The following FHAD1 variants were observed in gnomAD, a reference collection of about 807,000 sequenced individuals.
The protein encoded by FHAD1 is forkhead-associated domain-containing protein 1.
A neutral mutation model predicts 191.3 loss-of-function variants in FHAD1; 146 were observed. That is an observed-to-expected ratio of 0.76 (90% CI 0.67 to 0.88). The LOEUF (loss-of-function observed/expected upper bound fraction) is 0.88, where lower values mean the gene tolerates loss of function less well. FHAD1 is among the 40% of genes least tolerant of loss of function. The pLI is 0.00. For missense variants in FHAD1, 1,635 were observed against 1,785.8 expected, an observed-to-expected ratio of 0.92 and a Z score of 1.52; for synonymous variants, 616 against 672.3, an observed-to-expected ratio of 0.92 and a Z score of 1.29.
At chr1:15,392,313 A>C (rs1340855280) in intron 33 of FHAD1, among the ~76,000 whole-genome samples, 1 of 152,184 alleles carries the variant, frequency 6.6e-6, no homozygotes, top group Admixed American at 6.5e-5. Context: ...CGGGCGGATC[A>C]CGAGGTCAGG....
intron 2 of FHAD1, among the ~76,000 whole-genome samples, chr1:15,265,643 T>C (rs915656915): frequency 4.6e-5 from 7 of 152,096 alleles, no homozygotes; most frequent in African/African-American, 1.4e-4. Context: ...AAAAACAAAA[T>C]GTAACACATA....
intron 2 of FHAD1, among the ~76,000 whole-genome samples, chr1:15,260,236 T>G (rs1380173397): frequency 6.6e-6 from 1 of 152,064 alleles, no homozygotes; most frequent in African/African-American, 2.4e-5. Flanking sequence ...AGTTGTAGGG[T>G]CCCAGGCAAG....
chr1:15,322,882 A>G (rs1378836593), intron 10 of FHAD1, among the ~76,000 whole-genome samples: 1 of 152,246 alleles, frequency 6.6e-6, no homozygotes, highest in Non-Finnish European at 1.5e-5. Flanking sequence ...GAAACTGGGA[A>G]GAAAAAGAGG....
At position 15,327,544 on chromosome 1, in the gene FHAD1, C is replaced by G. The variant is rs1679238620; in HGVS notation, c.1557+402C>G. 5.9e-6 allele frequency: 1 copy of G among 170,398 alleles called. No homozygotes were observed. The highest frequency in any genetic ancestry group is 2.4e-5 in the African/African-American group (1 of 41,764). The allele number at this position is 170,398 out of a possible 1,614,324, so 10.6% of individuals were successfully genotyped here. A position where few individuals can be genotyped will look rare whatever the true frequency, so the allele number is the denominator to read the frequency against. On this transcript the variant is annotated intron_variant, in intron 12 of 33. Transcript: ENST00000688493. The surrounding 1 kb of genome is among the most constrained non-coding windows in gnomAD (Gnocchi z 5.1). The stretch of plus-strand genomic sequence containing the variant: ...CTGTAATGATTGCCTTGCTGTTCTT[C>G]CACTACACTTTCTAGCCCCCTGTGT...
At chr1:15,375,491 G>A (rs966721983) in intron 27 of FHAD1, 112 bp from the exon 28 acceptor site, 36 of 1,045,404 alleles carry the variant, frequency 3.4e-5, no homozygotes, top group East Asian at 1.1e-4. Context: ...ACGGGAGGTC[G>A]TAAGGATTAA....
chr1:15,277,528 A>C (rs1421247027), intron 3 of FHAD1, among the ~76,000 whole-genome samples: 1 of 152,122 alleles, frequency 6.6e-6, no homozygotes, highest in Non-Finnish European at 1.5e-5. Flanking sequence ...AAGATTGTGT[A>C]ATCAGTTATG....
At chr1:15,266,730 GTGCTTACC>G (rs1485647884) in intron 2 of FHAD1, among the ~76,000 whole-genome samples, 7 of 152,030 alleles carry the variant, frequency 4.6e-5, no homozygotes, top group African/African-American at 1.7e-4. Flanking sequence ...AAGATCCCCT[GTGCTTACC>G]TGTTCAACAC....
Position 15,261,465 on chromosome 1 carries a change from G to GTCAGTGCACCGAGGGGAT in FHAD1, c.93+9605_93+9606insTTCAGTGCACCGAGGGGA, listed in dbSNP as rs552930124. Among the ~76,000 whole-genome samples the GTCAGTGCACCGAGGGGAT allele has an allele frequency of 7.2e-5, 11 of 152,278 alleles. No homozygotes were observed. The East Asian group carries it at 2.1e-3, about 29-fold the overall frequency. ...TCTCAGCTCAAGGTTCTTTCGAGCC[G>GTCAGTGCACCGAGGGGAT]TCAGTGCACCGAGGGGAACTGTCAC... On this transcript the variant is annotated intron_variant, in intron 2 of 33. Coordinates refer to ENST00000688493, the MANE Select transcript of FHAD1 (RefSeq NM_001391957.1).
At chr1:15,382,632 G>C (rs9919129) in intron 31 of FHAD1, among the ~76,000 whole-genome samples, 11,511 of 152,212 alleles carry the variant, frequency 0.076, 1,405 homozygotes, top group African/African-American at 0.25. Flanking sequence ...GGACTGAGGA[G>C]TATACAGGTG....
At chr1:15,314,727 T>C (rs1300380506) in intron 8 of FHAD1, 1 of 8,138 alleles carries the variant, frequency 1.2e-4, no homozygotes, top group African/African-American at 6.1e-4. Context: ...TGTGTGGATA[T>C]GGGTAGGTGT....
chr1:15,357,443 T>G (rs1693194761), intron 20 of FHAD1, among the ~76,000 whole-genome samples: 1 of 151,944 alleles, frequency 6.6e-6, no homozygotes. Flanking sequence ...GCCAACATGG[T>G]GAAACTCCGT....
chr1:15,376,363 G>A (rs971074375), intron 28 of FHAD1, among the ~76,000 whole-genome samples: 8 of 152,274 alleles, frequency 5.3e-5, no homozygotes, highest in Middle Eastern at 3.4e-3. Flanking sequence ...GTGCTGGGAT[G>A]ACAGGCGTGA....
intron 7 of FHAD1, among the ~76,000 whole-genome samples, chr1:15,310,450 GC>G (rs1342275162): frequency 6.6e-6 from 1 of 152,142 alleles, no homozygotes; most frequent in Non-Finnish European, 1.5e-5. Context: ...CTCCTCCCCA[GC>G]GTCTGTCCAT....
intron 16 of FHAD1, chr1:15,343,897 A>G (rs1687795897): frequency 6.6e-6 from 1 of 152,138 alleles, no homozygotes; most frequent in South Asian, 2.1e-4. Context: ...TTTTGGATGG[A>G]CTTTTTCCCT....
intron 28 of FHAD1, among the ~76,000 whole-genome samples, chr1:15,376,283 G>A (rs1699631099): frequency 6.6e-6 from 1 of 151,850 alleles, no homozygotes; most frequent in African/African-American, 2.4e-5. Flanking sequence ...GTAGAGACAG[G>A]GTTTCACCTT....
At chr1:15,330,899 C>T (rs1184866991) in intron 14 of FHAD1, among the ~76,000 whole-genome samples, 2 of 152,080 alleles carry the variant, frequency 1.3e-5, no homozygotes, top group South Asian at 4.1e-4. Context: ...TGGACAACGT[C>T]CTGGAGGGTG....
At chr1:15,242,800 G>A (rs1209164744), upstream of FHAD1, among the ~76,000 whole-genome samples, 3 of 152,106 alleles carry the variant, frequency 2.0e-5, no homozygotes, top group Non-Finnish European at 4.4e-5. Context: ...GGCTCTCTTC[G>A]CACAGCATCA....
intron 20 of FHAD1, among the ~76,000 whole-genome samples, chr1:15,355,644 T>C (rs977935204): frequency 3.3e-5 from 5 of 152,188 alleles, no homozygotes; most frequent in Non-Finnish European, 7.3e-5. Context: ...GGTGCATCGC[T>C]GAGCTGTACG....
At position 15,309,311 on chromosome 1, in the gene FHAD1, C is replaced by T. The variant is rs1671516493; in HGVS notation, c.1039+575C>T. On this transcript the variant is annotated intron_variant, in intron 7 of 33. Coordinates refer to ENST00000688493, the MANE Select transcript of FHAD1 (RefSeq NM_001391957.1). ...CATTCATTCATTCATTCATTCAGCACATTTATGGAGCAGCTGCTAGATGCC... is the reference window on the plus strand; with the variant it reads ...CATTCATTCATTCATTCATTCAGCATATTTATGGAGCAGCTGCTAGATGCC... 3.9e-5 allele frequency among the ~76,000 whole-genome samples: 6 copies of T among 152,012 alleles called. No homozygotes were observed. The South Asian group carries it at 1.2e-3, about 31-fold the overall frequency.
Sources: gnomAD v4.1 joint callset for allele counts (sites outside exome capture counted in the v4.1 genomes callset) on GRCh38, gnomAD v4.1.1 for gene constraint, Gnocchi (gnomAD v3.1) non-coding constraint, MANE v1.5 for transcripts, NCBI Gene and HGNC (gene_info 2026-07-23, HGNC 2026-07-21) for gene names.